VKORC1L1: variants seen among roughly 807,000 people sequenced by gnomAD.
VKORC1L1 encodes vitamin K epoxide reductase complex subunit 1L1.
VKORC1L1 carries 2 observed loss-of-function variants against 18.9 expected under a neutral mutation model. That is an observed-to-expected ratio of 0.11 (90% CI 0.04 to 0.33). The LOEUF (loss-of-function observed/expected upper bound fraction) is 0.33. Ranked by LOEUF, VKORC1L1 falls within the 10% of genes least tolerant of loss-of-function variation. VKORC1L1 has a pLI of 1.00. For missense variants in VKORC1L1, 123 were observed against 224.1 expected (o/e 0.55, Z 2.88); for synonymous variants, 96 against 100.0 (o/e 0.96, Z 0.24).
intron 1 of VKORC1L1, among the ~76,000 whole-genome samples, chr7:65,944,266 G>C (rs1790082656): frequency 6.6e-6 from 1 of 152,168 alleles, no homozygotes; most frequent in South Asian, 2.1e-4. Flanking sequence ...TACTTTAGGA[G>C]GCTGACACAG....
the VKORC1L1 span, among the ~76,000 whole-genome samples, chr7:65,867,048 G>A: frequency 2.6e-4 from 40 of 152,172 alleles, 1 homozygote; most frequent in East Asian, 3.9e-3. Flanking sequence ...TTAGCTGGGC[G>A]TGGTGGCATG....
intron 1 of VKORC1L1, among the ~76,000 whole-genome samples, chr7:65,928,508 T>A (rs542470368): frequency 5.3e-5 from 8 of 152,310 alleles, no homozygotes; most frequent in African/African-American, 1.7e-4. Context: ...TACTGTCTAG[T>A]CTTTGAGTCT....
At chr7:65,915,442 G>C (rs1789572399) in intron 1 of VKORC1L1, among the ~76,000 whole-genome samples, 2 of 137,878 alleles carry the variant, frequency 1.5e-5, no homozygotes. Flanking sequence ...ATGGAGTCTT[G>C]CTCTGCCACC....
chr7:65,866,890 GA>G, the VKORC1L1 span, among the ~76,000 whole-genome samples: 2 of 151,924 alleles, frequency 1.3e-5, no homozygotes, highest in African/African-American at 4.8e-5. Context: ...AGAAGAGGAG[GA>G]AGAAAAAATA....
chr7:65,895,516 T>TATATATACACACAC (rs370356956), intron 1 of VKORC1L1, among the ~76,000 whole-genome samples: 10 of 71,574 alleles, frequency 1.4e-4, no homozygotes, highest in East Asian at 1.1e-3. Flanking sequence ...TATATATATA[T>TATATATACACACAC]ACACACACAC....
rs1790266764 is a variant in VKORC1L1 at position 65,954,695 on chromosome 7, A to T, written c.*395A>T. The T allele has an allele frequency of 4.4e-6, 1 of 228,044 alleles. No individual in the cohort carries two copies. Among genetic ancestry groups the T allele is most frequent in the Admixed American group, 5.0e-5 (1 of 19,820 alleles). 14.1% of individuals were successfully genotyped at this position (228,044 alleles called of 1,614,324 possible). On this transcript the variant is annotated 3_prime_UTR_variant, in exon 3 of 3. Coordinates refer to ENST00000360768, the MANE Select transcript of VKORC1L1 (RefSeq NM_173517.6). ...ATGACATGAAAATATTCTAGAATAG[A>T]TACTGTATTAAATATTGCCATGTTT... is the stretch of plus-strand genomic sequence containing the variant.
intron 1 of VKORC1L1, among the ~76,000 whole-genome samples, chr7:65,876,470 C>G (rs1288949140): frequency 6.6e-6 from 1 of 151,628 alleles, no homozygotes; most frequent in Non-Finnish European, 1.5e-5. Context: ...CCATTGCACT[C>G]CAGCCTGTGT....
rs750857985 is a variant in VKORC1L1 at position 65,873,347 on chromosome 7, AGGC to A, written c.-7_-5del. 2,271 of 1,420,336 alleles carry A rather than the reference AGGC, an allele frequency of 1.6e-3. No homozygotes were observed. The highest frequency in any genetic ancestry group is 3.4e-3 in the South Asian group (257 of 76,506). The allele number at this position is 1,420,336 out of a possible 1,614,324, so 88.0% of individuals were successfully genotyped here. On this transcript the variant is annotated 5_prime_UTR_variant, in exon 1 of 3. Coordinates refer to ENST00000360768, the MANE Select transcript of VKORC1L1 (RefSeq NM_173517.6). ...CGGCGGCTGAGGTGGAGGCGGAGGGAGGCGGCGGCGGCGGCGGCGGGAAGATGG... is the reference window on the plus strand; with the variant it reads ...CGGCGGCTGAGGTGGAGGCGGAGGGAGGCGGCGGCGGCGGCGGGAAGATGG...
At chr7:65,897,374 T>G (rs1789232336) in intron 1 of VKORC1L1, among the ~76,000 whole-genome samples, 1 of 152,256 alleles carries the variant, frequency 6.6e-6, no homozygotes, top group Non-Finnish European at 1.5e-5. Context: ...TACTTCCGTA[T>G]ATTAATGGTA....
chr7:65,888,627 C>T lies in VKORC1L1; in HGVS notation c.194+15062C>T, dbSNP rs112193816. On this transcript the variant is annotated intron_variant, in intron 1 of 2. Coordinates refer to ENST00000360768, the MANE Select transcript of VKORC1L1 (RefSeq NM_173517.6). ...GTTTGGCCCTGTCTCTCCCTTACTG[C>T]GGTGGTGAGGGGGGTGCAGGGGGGA... is the stretch of plus-strand genomic sequence containing the variant. Among the ~76,000 whole-genome samples the T allele has an allele frequency of 7.4e-4, 112 of 151,792 alleles. 1 individual carries two copies. Among genetic ancestry groups the T allele is most frequent in the African/African-American group, 1.9e-3 (79 of 41,412 alleles).
intron 1 of VKORC1L1, among the ~76,000 whole-genome samples, chr7:65,903,869 A>C (rs1789361370): frequency 6.6e-6 from 1 of 152,154 alleles, no homozygotes; most frequent in African/African-American, 2.4e-5. Context: ...AATGGTTTAA[A>C]ATGGAAATTT....
At chr7:65,945,042 CCT>C in intron 1 of VKORC1L1, among the ~76,000 whole-genome samples, 1 of 152,110 alleles carries the variant, frequency 6.6e-6, no homozygotes, top group South Asian at 2.1e-4. Context: ...GTACGGATGA[CCT>C]GAGGTCAGGT....
At chr7:65,915,731 A>G (rs948963898) in intron 1 of VKORC1L1, among the ~76,000 whole-genome samples, 1 of 151,682 alleles carries the variant, frequency 6.6e-6, no homozygotes, top group South Asian at 2.1e-4. Context: ...TTTATATTCA[A>G]TGCCTAAATC....
At chr7:65,947,881 G>A (rs1476993286) in intron 1 of VKORC1L1, among the ~76,000 whole-genome samples, 1 of 151,960 alleles carries the variant, frequency 6.6e-6, no homozygotes, top group African/African-American at 2.4e-5. Context: ...GAGTAGAGAC[G>A]GGTTTCACCA....
the VKORC1L1 span, among the ~76,000 whole-genome samples, chr7:65,865,828 T>G: frequency 6.6e-6 from 1 of 151,904 alleles, no homozygotes; most frequent in Non-Finnish European, 1.5e-5. Context: ...TATTTTTGAA[T>G]AATTTATTCC....
intron 1 of VKORC1L1, among the ~76,000 whole-genome samples, chr7:65,919,402 G>A (rs528039263): frequency 1.6e-4 from 25 of 152,320 alleles, no homozygotes; most frequent in African/African-American, 5.8e-4. Flanking sequence ...TTAAAAGGTA[G>A]TTCAACTTGT....
intron 1 of VKORC1L1, among the ~76,000 whole-genome samples, chr7:65,917,898 G>A (rs1174680349): frequency 6.6e-6 from 1 of 152,140 alleles, no homozygotes; most frequent in African/African-American, 2.4e-5. Context: ...ATAGGGTGGT[G>A]GCTTTGCCTA....
rs201056949 is a variant in VKORC1L1 at position 65,915,091 on chromosome 7, T to TC, written c.195-33580_195-33579insC. Among the ~76,000 whole-genome samples, 1,282 of 147,158 alleles carry TC rather than the reference T, an allele frequency of 8.7e-3. 26 individuals are homozygous for TC. Among genetic ancestry groups the TC allele is most frequent in the East Asian group, 0.07 (343 of 4,876 alleles). ...TGAGCTTATTTTTTTTCTTTTTTTTTTCTTTTTTTTTTTTTTTGAGACAAG... is the reference window on the plus strand; with the variant it reads ...TGAGCTTATTTTTTTTCTTTTTTTTTCTCTTTTTTTTTTTTTTTGAGACAAG... On this transcript the variant is annotated intron_variant, in intron 1 of 2. Coordinates refer to ENST00000360768, the MANE Select transcript of VKORC1L1 (RefSeq NM_173517.6).
chr7:65,905,253 GTTT>G lies in VKORC1L1; in HGVS notation c.194+31689_194+31691del, dbSNP rs1583838605. Among the ~76,000 whole-genome samples the G allele has an allele frequency of 2.0e-5, 3 of 152,054 alleles. No individual in the cohort carries two copies. The East Asian group carries it at 5.8e-4, about 29-fold the overall frequency. On this transcript the variant is annotated intron_variant, in intron 1 of 2. Coordinates refer to ENST00000360768, the MANE Select transcript of VKORC1L1 (RefSeq NM_173517.6). Reference sequence around the variant, plus strand: ...TCCACTGAGTGCCACATTATAACTTGTTTCAGTCTAGATAATTTGTCACATAAG... The same window carrying G: ...TCCACTGAGTGCCACATTATAACTTGCAGTCTAGATAATTTGTCACATAAG...
Sources: gnomAD v4.1 joint callset for allele counts (sites outside exome capture counted in the v4.1 genomes callset) on GRCh38, gnomAD v4.1.1 for gene constraint, MANE v1.5 for transcripts, NCBI Gene and HGNC (gene_info 2026-07-23, HGNC 2026-07-21) for gene names.